Variants in SLC25A20 observed in about 807,000 individuals in gnomAD.
SLC25A20 encodes solute carrier family 25 member 20, also known as mitochondrial carnitine/acylcarnitine carrier protein.
In SLC25A20, 29 loss-of-function variants were observed where a neutral mutation model predicts 39.7. The observed-to-expected ratio is 0.73, with a 90% CI of 0.54 to 1.00. The LOEUF is 1.00. SLC25A20 is among the 50% of genes least tolerant of loss of function. SLC25A20 has a pLI of 0.00. For missense variants in SLC25A20, 333 were observed against 379.9 expected, an observed-to-expected ratio of 0.88 and a Z score of 1.03; for synonymous variants, 103 against 142.2, an observed-to-expected ratio of 0.72 and a Z score of 1.96.
chr3:48,894,712 A>G (rs2083900368), intron 1 of SLC25A20, among the ~76,000 whole-genome samples: 1 of 152,108 alleles, frequency 6.6e-6, no homozygotes, highest in South Asian at 2.1e-4. Flanking sequence ...TGCAGCCTTA[A>G]ACTCCTGGGC....
intron 2 of SLC25A20, among the ~76,000 whole-genome samples, chr3:48,885,390 G>A (rs1220060982): frequency 1.3e-5 from 2 of 152,150 alleles, no homozygotes; most frequent in Non-Finnish European, 2.9e-5. Flanking sequence ...CAGGACCTGG[G>A]AGACCAGGGG....
chr3:48,879,303 C>G, intron 4 of SLC25A20, 55 bp downstream of exon 4: 1 of 1,307,780 alleles, frequency 7.6e-7, no homozygotes, highest in Non-Finnish European at 1.1e-6. Flanking sequence ...TAAACATGCA[C>G]ACGAAATTAT....
intron 5 of SLC25A20, among the ~76,000 whole-genome samples, chr3:48,861,992 C>T (rs2083631813): frequency 6.6e-6 from 1 of 152,144 alleles, no homozygotes; most frequent in Non-Finnish European, 1.5e-5. Flanking sequence ...TGTGCCATTG[C>T]ACTCCAGCCT....
intron 2 of SLC25A20, among the ~76,000 whole-genome samples, chr3:48,886,984 T>A (rs1575990682): frequency 6.6e-6 from 1 of 152,174 alleles, no homozygotes; most frequent in East Asian, 1.9e-4. Flanking sequence ...AGAATCAAAG[T>A]GGCACAACTG....
chr3:48,859,528 G>T, intron 6 of SLC25A20, 27 bp downstream of exon 6: 1 of 1,596,766 alleles, frequency 6.3e-7, no homozygotes, highest in Non-Finnish European at 8.6e-7. Flanking sequence ...ACTGGGGAAA[G>T]TGGCTTCCAA....
intron 2 of SLC25A20, among the ~76,000 whole-genome samples, chr3:48,887,159 A>G (rs2083835413): frequency 6.6e-6 from 1 of 152,170 alleles, no homozygotes; most frequent in South Asian, 2.1e-4. Flanking sequence ...CCATTCCCAC[A>G]GCTCCCTACA....
chr3:48,895,466 T>C (rs2083904205), intron 1 of SLC25A20, among the ~76,000 whole-genome samples: 1 of 152,254 alleles, frequency 6.6e-6, no homozygotes, highest in African/African-American at 2.4e-5. Context: ...CTGCTCACTG[T>C]TCTGCTTCCA....
intron 4 of SLC25A20, among the ~76,000 whole-genome samples, chr3:48,865,634 G>A (rs1388076281): frequency 1.3e-5 from 2 of 150,128 alleles, no homozygotes; most frequent in Admixed American, 6.6e-5. Context: ...AAAATTAGCT[G>A]GGTGTGTGCC....
At chr3:48,890,617 T>G (rs2083865417) in intron 2 of SLC25A20, among the ~76,000 whole-genome samples, 1 of 151,580 alleles carries the variant, frequency 6.6e-6, no homozygotes, top group Non-Finnish European at 1.5e-5. Flanking sequence ...ATCAATCACT[T>G]GGATAACTCA....
Position 48,859,134 on chromosome 3 carries a change from C to T in SLC25A20, c.676G>A (p.Val226Met), listed in dbSNP as rs2083603730. 2 of 1,614,080 alleles carry T rather than the reference C, an allele frequency of 1.2e-6. No individual in the cohort carries two copies. Among genetic ancestry groups the T allele is most frequent in the Non-Finnish European group, 1.7e-6 (2 of 1,180,020 alleles). ...GGIAGIFNWAVAIPPDVLKSR... is the reference protein window; with the variant it reads ...GGIAGIFNWAMAIPPDVLKSR... Reference sequence around the variant, plus strand: ...TTGAGCACATCTGGGGGGATTGCCACAGCCCAGTTGAAGATCCCTGCAATG... The same window carrying T: ...TTGAGCACATCTGGGGGGATTGCCATAGCCCAGTTGAAGATCCCTGCAATG... Residue 226 changes from valine (V) to methionine (M), a missense_variant, in exon 7 of 9, where the codon GTG becomes ATG. Val to Met is a conservative substitution (Grantham distance 21). Coordinates refer to ENST00000319017, the MANE Select transcript of SLC25A20 (RefSeq NM_000387.6).
chr3:48,884,876 G>A (rs1232266920), intron 2 of SLC25A20, among the ~76,000 whole-genome samples: 4 of 145,620 alleles, frequency 2.7e-5, no homozygotes, highest in African/African-American at 1.0e-4. Context: ...ATTATAACAT[G>A]AGAAGAGATT....
At chr3:48,861,704 G>A (rs2083629191) in intron 5 of SLC25A20, among the ~76,000 whole-genome samples, 1 of 152,020 alleles carries the variant, frequency 6.6e-6, no homozygotes, top group Non-Finnish European at 1.5e-5. Flanking sequence ...TCCAGCCTGG[G>A]TGACAGAGCA....
intron 4 of SLC25A20, among the ~76,000 whole-genome samples, chr3:48,872,708 G>T (rs2083725763): frequency 6.7e-6 from 1 of 150,194 alleles, no homozygotes; most frequent in African/African-American, 2.4e-5. Context: ...AAAAAAAGGT[G>T]TTTAATTAGC....
chr3:48,897,367 A>AT (rs869090435), intron 1 of SLC25A20, among the ~76,000 whole-genome samples: 1,720 of 83,704 alleles, frequency 0.021, 23 homozygotes, highest in Middle Eastern at 0.1. Flanking sequence ...ATATATATAT[A>AT]TTTTTTTTTT....
chr3:48,898,795 G>GGTCAGTCCGTCT lies in SLC25A20; in HGVS notation c.-13_-2dup. 3 of 1,565,752 alleles carry GGTCAGTCCGTCT rather than the reference G, an allele frequency of 1.9e-6. No homozygotes were observed. Among genetic ancestry groups the GGTCAGTCCGTCT allele is most frequent in the South Asian group, 1.2e-5 (1 of 85,308 alleles). ...TGATGGGTTTTGGCTGGTCGGCCATGGTCAGTCCGTCTGTCACTCCGTCTG... is the reference window on the plus strand; with the variant it reads ...TGATGGGTTTTGGCTGGTCGGCCATGGTCAGTCCGTCTGTCAGTCCGTCTGTCACTCCGTCTG... On this transcript the variant is annotated 5_prime_UTR_variant, in exon 1 of 9. Coordinates refer to ENST00000319017, the MANE Select transcript of SLC25A20 (RefSeq NM_000387.6).
intron 4 of SLC25A20, among the ~76,000 whole-genome samples, chr3:48,875,243 C>T (rs1190553166): frequency 6.6e-6 from 1 of 151,532 alleles, no homozygotes; most frequent in East Asian, 2.0e-4. Flanking sequence ...GCTGGGATTA[C>T]AGACGCCTGC....
chr3:48,859,306 G>A (rs1189789913), intron 6 of SLC25A20, 105 bp from the exon 7 acceptor site: 1 of 1,062,504 alleles, frequency 9.4e-7, no homozygotes, highest in African/African-American at 1.6e-5. Flanking sequence ...GCAGAAACTG[G>A]TTGGAGGGAG....
At chr3:48,878,342 A>G (rs1191185029) in intron 4 of SLC25A20, among the ~76,000 whole-genome samples, 1 of 149,624 alleles carries the variant, frequency 6.7e-6, no homozygotes, top group Non-Finnish European at 1.5e-5. Flanking sequence ...TGAAGACTTT[A>G]CGTTTATTTG....
At chr3:48,862,786 A>G (rs994557849) in intron 4 of SLC25A20, 127 bp from the exon 5 acceptor site, 15 of 723,178 alleles carry the variant, frequency 2.1e-5, no homozygotes, top group Middle Eastern at 4.8e-4. Context: ...TGTCAAATTG[A>G]TAAGTATCTG....
Sources: gnomAD v4.1 joint callset for allele counts (sites outside exome capture counted in the v4.1 genomes callset) on GRCh38, gnomAD v4.1.1 for gene constraint, MANE v1.5 for transcripts, NCBI Gene and HGNC (gene_info 2026-07-23, HGNC 2026-07-21) for gene names.